The following ZNF462 variants were observed in gnomAD, a reference collection of about 807,000 sequenced individuals.
ZNF462 encodes zinc finger PBX1-interacting protein.
ZNF462 carries 10 observed loss-of-function variants against 201.9 expected under a neutral mutation model. The ratio of observed to expected loss-of-function variants is 0.05; its 90% CI spans 0.03 to 0.08. The LOEUF is 0.08. Ranked by LOEUF, ZNF462 falls within the 10% of genes least tolerant of loss-of-function variation. The probability of loss-of-function intolerance (pLI) is 1.00; values close to 1 mark genes in which losing one functional copy is unlikely to be tolerated. For synonymous variants in ZNF462, 1,227 were observed against 1,193.3 expected, an observed-to-expected ratio of 1.03 and a Z score of -0.58; for missense variants, 2,523 against 3,168.3, an observed-to-expected ratio of 0.80 and a Z score of 4.89.
intron 7 of ZNF462, among the ~76,000 whole-genome samples, chr9:106,955,547 AAAC>A (rs1831536905): frequency 6.6e-6 from 1 of 152,116 alleles, no homozygotes; most frequent in African/African-American, 2.4e-5. Flanking sequence ...TCTTAAAGTA[AAAC>A]AACAATGAAG....
intron 10 of ZNF462, among the ~76,000 whole-genome samples, chr9:106,996,365 G>A (rs879851372): frequency 3.9e-5 from 6 of 152,174 alleles, no homozygotes; most frequent in Non-Finnish European, 7.3e-5. Flanking sequence ...GGTACTTCTA[G>A]TTCTAGATCC....
At chr9:106,916,129 A>AT (rs924495788) in intron 1 of ZNF462, among the ~76,000 whole-genome samples, 27 of 150,398 alleles carry the variant, frequency 1.8e-4, no homozygotes, top group South Asian at 8.5e-4. Flanking sequence ...GCCATACATC[A>AT]TTTTTTTTTT....
In ZNF462 at chr9:107,011,271, A is replaced by G. The variant is rs1021292617; in HGVS notation, c.*241A>G. On this transcript the variant is annotated 3_prime_UTR_variant, in exon 13 of 13. Transcript: ENST00000277225. The surrounding 1 kb of genome is among the most constrained non-coding windows in gnomAD (Gnocchi z 5.6). ...ACTACATCTTTTCTTCCGGATCTTC[A>G]TCATGGAAGTTTCATTTGTTGCGGA... is the stretch of plus-strand genomic sequence containing the variant. 2 of 470,894 alleles carry G rather than the reference A, an allele frequency of 4.2e-6. No individual in the cohort carries two copies. Among genetic ancestry groups the G allele is most frequent in the African/African-American group, 2.0e-5 (1 of 50,924 alleles). The allele number at this position is 470,894 out of a possible 1,614,324, so 29.2% of individuals were successfully genotyped here.
At chr9:106,871,873 A>G (rs779151254) in intron 1 of ZNF462, among the ~76,000 whole-genome samples, 6 of 152,202 alleles carry the variant, frequency 3.9e-5, no homozygotes, top group Non-Finnish European at 8.8e-5. Flanking sequence ...GAGCTTCTCT[A>G]CCTACACCCT....
chr9:106,984,489 A>G lies in ZNF462; in HGVS notation c.7056+80A>G. 1.8e-6 allele frequency: 2 copies of G among 1,115,026 alleles called. No homozygotes were observed. The highest frequency in any genetic ancestry group is 2.6e-6 in the Non-Finnish European group (2 of 768,768). The allele number at this position is 1,115,026 out of a possible 1,614,324, so 69.1% of individuals were successfully genotyped here. On this transcript the variant is annotated intron_variant, in intron 10 of 12. Transcript: ENST00000277225. This position sits in a 1 kb window ranked among gnomAD's most constrained non-coding sequence, Gnocchi z 6.4. ...GGGGGAGACACCACTGCATTTAGTC[A>G]CGACCACTGTGTACCAGATGGAGAT...
intron 10 of ZNF462, among the ~76,000 whole-genome samples, chr9:106,986,617 TAA>T (rs1491202057): frequency 3.9e-5 from 6 of 152,192 alleles, no homozygotes; most frequent in Non-Finnish European, 8.8e-5. Context: ...CGGTCTTTTT[TAA>T]AAATTATTTT....
rs150240120 is a variant in ZNF462, at chr9:106,993,664, C to T, written c.7056+9255C>T. 1.0e-4 allele frequency among the ~76,000 whole-genome samples: 15 copies of T among 149,448 alleles called. No individual in the cohort carries two copies. The East Asian group carries it at 2.9e-3, about 29-fold the overall frequency. On this transcript the variant is annotated intron_variant, in intron 10 of 12. Coordinates refer to ENST00000277225, the MANE Select transcript of ZNF462 (RefSeq NM_021224.6). The surrounding 1 kb of genome is among the most constrained non-coding windows in gnomAD (Gnocchi z 4.0). ...CTTCACTCCCTGCATTCTCTGTCCC[C>T]CAACATTCTACCCCCCAACACACAT...
At chr9:106,957,307 C>G (rs949926772) in intron 7 of ZNF462, among the ~76,000 whole-genome samples, 4 of 152,088 alleles carry the variant, frequency 2.6e-5, no homozygotes, top group African/African-American at 7.2e-5. Flanking sequence ...GTCGGTAGAG[C>G]AGTCAGAACA....
intron 1 of ZNF462, among the ~76,000 whole-genome samples, chr9:106,904,978 G>T (rs923168251): frequency 1.3e-5 from 2 of 151,874 alleles, no homozygotes; most frequent in African/African-American, 2.4e-5. Context: ...ATTTTTTTGT[G>T]GGGGGGTGTT....
At chr9:106,953,008 A>G (rs1831419769) in intron 7 of ZNF462, among the ~76,000 whole-genome samples, 1 of 152,136 alleles carries the variant, frequency 6.6e-6, no homozygotes, top group South Asian at 2.1e-4. Flanking sequence ...GTTTTTCCCC[A>G]GGCAAATCTT....
chr9:106,887,494 C>G (rs1377513163), intron 1 of ZNF462, among the ~76,000 whole-genome samples: 1 of 152,154 alleles, frequency 6.6e-6, no homozygotes, highest in African/African-American at 2.4e-5. Flanking sequence ...AGGTTTCCTA[C>G]TTATTACAAT....
intron 7 of ZNF462, among the ~76,000 whole-genome samples, chr9:106,958,347 G>A (rs1831673900): frequency 2.0e-5 from 3 of 152,100 alleles, no homozygotes; most frequent in African/African-American, 7.2e-5. Context: ...AGCTTAGCAT[G>A]GAAAGCTGTT....
At chr9:106,860,549 G>T (rs767807801), upstream of ZNF462, among the ~76,000 whole-genome samples, 1 of 152,260 alleles carries the variant, frequency 6.6e-6, no homozygotes, top group South Asian at 2.1e-4. The surrounding 1 kb of genome is among the most constrained non-coding windows in gnomAD (Gnocchi z 7.1). Flanking sequence ...AGCCAACCCA[G>T]AAGGTACCTT....
Position 106,876,995 on chromosome 9 carries a change from C to T in ZNF462, c.-31+13640C>T, listed in dbSNP as rs1827858963. ...TTTCAATAGTCCACATCTACTTGGT[C>T]TTACTAATGTACTATAATATCAGAT... On this transcript the variant is annotated intron_variant, in intron 1 of 12. Coordinates refer to ENST00000277225, the MANE Select transcript of ZNF462 (RefSeq NM_021224.6). The surrounding 1 kb of genome is among the most constrained non-coding windows in gnomAD (Gnocchi z 4.9). Among the ~76,000 whole-genome samples, 1 of 152,154 alleles carries T rather than the reference C, an allele frequency of 6.6e-6. No individual in the cohort carries two copies. Among genetic ancestry groups the T allele is most frequent in the Non-Finnish European group, 1.5e-5 (1 of 68,036 alleles).
intron 1 of ZNF462, among the ~76,000 whole-genome samples, chr9:106,875,390 C>T (rs1242702748): frequency 1.3e-5 from 2 of 152,158 alleles, no homozygotes; most frequent in Non-Finnish European, 2.9e-5. Flanking sequence ...TTATTTACCT[C>T]AGCACATGAA....
intron 1 of ZNF462, among the ~76,000 whole-genome samples, chr9:106,897,088 AT>A (rs1828844689): frequency 6.6e-6 from 1 of 152,246 alleles, no homozygotes; most frequent in African/African-American, 2.4e-5. Flanking sequence ...CCACATACTA[AT>A]AAAAATCACA....
At position 106,885,069 on chromosome 9, in the gene ZNF462, T is replaced by G. The variant is rs1165445293; in HGVS notation, c.-31+21714T>G. Among the ~76,000 whole-genome samples, 1 of 152,198 alleles carries G rather than the reference T, an allele frequency of 6.6e-6. No individual in the cohort carries two copies. The highest frequency in any genetic ancestry group is 1.5e-5 in the Non-Finnish European group (1 of 68,028). On this transcript the variant is annotated intron_variant, in intron 1 of 12. Transcript: ENST00000277225. The surrounding 1 kb of genome is among the most constrained non-coding windows in gnomAD (Gnocchi z 4.1). ...GTTCAACATAACCTTTCTAGAGAGA[T>G]TTCTGCTTTAATCTCAATAAAAAGG...
intron 10 of ZNF462, among the ~76,000 whole-genome samples, chr9:106,996,309 G>A (rs1262815476): frequency 6.6e-6 from 1 of 152,134 alleles, no homozygotes; most frequent in Non-Finnish European, 1.5e-5. Context: ...AGCATGATTT[G>A]TAATCCTTTG....
chr9:106,903,443 A>G (rs1410097697), intron 1 of ZNF462, among the ~76,000 whole-genome samples: 1 of 152,150 alleles, frequency 6.6e-6, no homozygotes, highest in African/African-American at 2.4e-5. Flanking sequence ...TGTTAAGTCC[A>G]TTTGTTCCAA....
Sources: allele counts gnomAD v4.1 joint callset (sites outside exome capture counted in the v4.1 genomes callset), GRCh38; gene constraint gnomAD v4.1.1; non-coding constraint Gnocchi (gnomAD v3.1); transcripts MANE v1.5; gene names NCBI Gene and HGNC (gene_info 2026-07-23, HGNC 2026-07-21).